Variants in NEURL1B observed in about 807,000 individuals in gnomAD.
NEURL1B encodes the protein E3 ubiquitin-protein ligase NEURL1B.
In NEURL1B, 13 loss-of-function variants were observed where a neutral mutation model predicts 37.4. The observed-to-expected ratio is 0.35, with a 90% CI of 0.23 to 0.55. The LOEUF (loss-of-function observed/expected upper bound fraction) is 0.55. Ranked by LOEUF, NEURL1B falls within the 20% of genes least tolerant of loss-of-function variation. The pLI is 0.89. For synonymous variants in NEURL1B, 432 were observed against 426.6 expected (o/e 1.01, Z -0.16); for missense variants, 790 against 879.2 (o/e 0.90, Z 1.28).
Position 172,669,891 on chromosome 5 carries a change from A to G in NEURL1B, c.138A>G (p.Lys46=). 6.9e-7 allele frequency: 1 copy of G among 1,444,594 alleles called. No individual in the cohort carries two copies. The highest frequency in any genetic ancestry group is 9.1e-7 in the Non-Finnish European group (1 of 1,101,932). The allele number at this position is 1,444,594 out of a possible 1,614,324, so 89.5% of individuals were successfully genotyped here. The change falls in exon 2 of 5, where the codon AAA becomes AAG. Residue 46 remains lysine (K), a synonymous_variant. Coordinates refer to ENST00000369800, the MANE Select transcript of NEURL1B (RefSeq NM_001142651.3). ...GEAPRFHAQA[K]GKNVRLDGHS... is the part of the protein sequence containing the mutation. ...CGCCGCGCTTCCACGCGCAGGCCAA[A>G]GGCAAGAACGTGCGGCTGGACGGCC...
Position 172,670,343 on chromosome 5 carries a change from C to A in NEURL1B, c.577+13C>A, listed in dbSNP as rs1413680785. 83 of 1,345,066 alleles carry A rather than the reference C, an allele frequency of 6.2e-5. No individual in the cohort carries two copies. The highest frequency in any genetic ancestry group is 7.7e-5 in the Non-Finnish European group (81 of 1,051,436). 83.3% of individuals were successfully genotyped at this position (1,345,066 alleles called of 1,614,324 possible). ...GTGCAGCTTCTGGGTAGGTCGCGGG[C>A]GCGGCGCCCCCTGGGGACCTGGCAG... is the stretch of plus-strand genomic sequence containing the variant. On this transcript the variant is annotated intron_variant, in intron 2 of 4. Transcript: ENST00000369800.
At chr5:172,660,139 C>G (rs1039279751) in intron 1 of NEURL1B, among the ~76,000 whole-genome samples, 1 of 152,188 alleles carries the variant, frequency 6.6e-6, no homozygotes, top group Non-Finnish European at 1.5e-5. Flanking sequence ...ACATTCCCCC[C>G]ACCTCTCACT....
intron 1 of NEURL1B, among the ~76,000 whole-genome samples, chr5:172,643,919 G>A (rs770832551): frequency 2.6e-5 from 4 of 151,792 alleles, no homozygotes; most frequent in Non-Finnish European, 1.5e-5. Context: ...CCCTCTCCCC[G>A]GCACATTCTT....
Position 172,687,304 on chromosome 5 carries a change from A to C in NEURL1B, c.*379A>C, listed in dbSNP as rs1758526996. The C allele has an allele frequency of 1.1e-5, 2 of 190,450 alleles. No individual in the cohort carries two copies. Among genetic ancestry groups the C allele is most frequent in the East Asian group, 2.5e-4 (2 of 7,872 alleles). 11.8% of individuals were successfully genotyped at this position (190,450 alleles called of 1,614,324 possible). A position where few individuals can be genotyped will look rare whatever the true frequency, so the allele number is the denominator to read the frequency against. The stretch of plus-strand genomic sequence containing the variant: ...AACAGAGAGAATGTGTGTGTGAGAG[A>C]GAGAGAGAGAGAATGAACGTGTAGC... On this transcript the variant is annotated 3_prime_UTR_variant, in exon 5 of 5. Coordinates refer to ENST00000369800, the MANE Select transcript of NEURL1B (RefSeq NM_001142651.3).
intron 2 of NEURL1B, 69 bp downstream of exon 2, chr5:172,670,399 T>A (rs1758100483): frequency 8.1e-7 from 1 of 1,227,046 alleles, no homozygotes; most frequent in African/African-American, 1.6e-5. Context: ...GTGTGTTTCA[T>A]TAGTAGCCAC....
chr5:172,644,733 G>T (rs1291847700), intron 1 of NEURL1B, among the ~76,000 whole-genome samples: 1 of 152,180 alleles, frequency 6.6e-6, no homozygotes, highest in South Asian at 2.1e-4. Flanking sequence ...GGCAAAGCTG[G>T]GCTTAAAAGA....
At chr5:172,642,306 C>T (rs1406826031) in intron 1 of NEURL1B, among the ~76,000 whole-genome samples, 1 of 152,210 alleles carries the variant, frequency 6.6e-6, no homozygotes, top group Non-Finnish European at 1.5e-5. Context: ...CCCAAGGTCA[C>T]ACAGCTAGTA....
In NEURL1B at chr5:172,642,676, G is replaced by A. The variant is rs1377991170; in HGVS notation, c.31+1239G>A. On this transcript the variant is annotated intron_variant, in intron 1 of 4. Coordinates refer to ENST00000369800, the MANE Select transcript of NEURL1B (RefSeq NM_001142651.3). ...CCCAGGGTCAGCTTATGGAAGAGGA[G>A]CCAACTCCTACTTTACAAGCCTCTG... Among the ~76,000 whole-genome samples, 3 of 152,218 alleles carry A rather than the reference G, an allele frequency of 2.0e-5. No individual in the cohort carries two copies. In the East Asian group the frequency reaches 5.8e-4, roughly 29 times the overall value.
At chr5:172,682,918 A>G (rs1327936751) in intron 2 of NEURL1B, among the ~76,000 whole-genome samples, 2 of 152,304 alleles carry the variant, frequency 1.3e-5, no homozygotes, top group South Asian at 2.1e-4. Context: ...TGCCTCACAG[A>G]GTGGTTGTGT....
Position 172,686,464 on chromosome 5 carries a change from G to A in NEURL1B, c.1423+168G>A, listed in dbSNP as rs1228999214. ...GAGGGAGGAGAAGTGTCTAGATAGG[G>A]CATTCCAAAGGGTGACGATGGTGGC... On this transcript the variant is annotated intron_variant, in intron 4 of 4. Coordinates refer to ENST00000369800, the MANE Select transcript of NEURL1B (RefSeq NM_001142651.3). The surrounding 1 kb of genome is among the most constrained non-coding windows in gnomAD (Gnocchi z 7.9). Among the ~76,000 whole-genome samples the A allele has an allele frequency of 6.6e-6, 1 of 152,232 alleles. No homozygotes were observed.
chr5:172,683,952 G>A lies in NEURL1B; in HGVS notation c.1111G>A (p.Val371Met), dbSNP rs1286654965. 4.4e-6 allele frequency: 6 copies of A among 1,355,608 alleles called. No homozygotes were observed. Among genetic ancestry groups the A allele is most frequent in the African/African-American group, 1.5e-5 (1 of 65,242 alleles). The allele number at this position is 1,355,608 out of a possible 1,614,324, so 84.0% of individuals were successfully genotyped here. ...GCTCGACCGCAAAGAGTACTGGGTG[G>A]TGGCGCGCGCCGGGCCCGTGCCGAG... ...ALLDRKEYWV[V>M]ARAGPVPSGG... The change falls in exon 3 of 5, where the codon GTG becomes ATG. Residue 371 changes from valine (V) to methionine (M), a missense_variant. Val to Met is a conservative substitution (Grantham distance 21). Transcript: ENST00000369800. The surrounding 1 kb of genome is among the most constrained non-coding windows in gnomAD (Gnocchi z 5.6).
At chr5:172,681,857 TG>T (rs1328273125) in intron 2 of NEURL1B, among the ~76,000 whole-genome samples, 1 of 152,262 alleles carries the variant, frequency 6.6e-6, no homozygotes, top group African/African-American at 2.4e-5. Flanking sequence ...TGGCTCAAAG[TG>T]GTCTGTTTAA....
chr5:172,684,594 A>G (rs1245384020), intron 3 of NEURL1B, among the ~76,000 whole-genome samples: 1 of 151,706 alleles, frequency 6.6e-6, no homozygotes, highest in Non-Finnish European at 1.5e-5. Flanking sequence ...ATTCGACTGC[A>G]CATGAAAGAG....
Position 172,689,878 on chromosome 5 carries a change from C to G in NEURL1B, c.*2953C>G, listed in dbSNP as rs3205178. On this transcript the variant is annotated 3_prime_UTR_variant, in exon 5 of 5. Transcript: ENST00000369800. ...CTTCCAGGCTCATCTGCTCACTGCC[C>G]GCATTCTCCTGGCAGAGCTGAGGTC... 0.41 allele frequency: 61,957 copies of G among 152,280 alleles called. 12,747 individuals carry two copies. Among genetic ancestry groups the G allele is most frequent in the East Asian group, 0.48 (2,466 of 5,172 alleles). 9.4% of individuals were successfully genotyped at this position (152,280 alleles called of 1,614,324 possible).
Position 172,686,711 on chromosome 5 carries a change from C to T in NEURL1B, c.1454C>T (p.Pro485Leu), listed in dbSNP as rs1235589212. The T allele has an allele frequency of 1.5e-5, 23 of 1,550,968 alleles. No individual in the cohort carries two copies. The highest frequency in any genetic ancestry group is 5.9e-5 in the Admixed American group (3 of 50,988). ...GCCCCCAGCTCCCCGCTGAGCCCCC[C>T]GGTGTCCCCCGTGTTCTCCCCACCG... ...VTAPSSPLSPPVSPVFSPPEP... is the reference protein window; with the variant it reads ...VTAPSSPLSPLVSPVFSPPEP... Residue 485 changes from proline (P) to leucine (L), a missense_variant, in exon 5 of 5, where the codon CCG becomes CTG. Physicochemically the swap from Pro to Leu is moderately conservative, Grantham distance 98 (BLOSUM62 -3). Around this residue, in one of 3 missense-constraint regions of NEURL1B, gnomAD observed 115 missense variants for 162.6 expected, o/e 0.71. Coordinates refer to ENST00000369800, the MANE Select transcript of NEURL1B (RefSeq NM_001142651.3). The surrounding 1 kb of genome is among the most constrained non-coding windows in gnomAD (Gnocchi z 7.9).
At chr5:172,653,212 G>C (rs1186083674) in intron 1 of NEURL1B, among the ~76,000 whole-genome samples, 1 of 152,188 alleles carries the variant, frequency 6.6e-6, no homozygotes, top group East Asian at 1.9e-4. Flanking sequence ...TAAATGTGGG[G>C]ACGTCAGCAG....
chr5:172,673,609 T>G (rs1758172703), intron 2 of NEURL1B, among the ~76,000 whole-genome samples: 1 of 151,848 alleles, frequency 6.6e-6, no homozygotes, highest in Non-Finnish European at 1.5e-5. Context: ...GAAAAAAAAG[T>G]TTTTTTGACA....
Position 172,686,850 on chromosome 5 carries a change from C to T in NEURL1B, c.1593C>T (p.Leu531=). The change falls in exon 5 of 5, where the codon CTC becomes CTT. Residue 531 remains leucine, a synonymous_variant. Transcript: ENST00000369800. The surrounding 1 kb of genome is among the most constrained non-coding windows in gnomAD (Gnocchi z 7.9). The part of the protein sequence containing the change: ...MCLCHSCGLR[L]KRQARACCPI... Reference sequence around the variant, plus strand: ...TGTGCCACAGCTGCGGCCTGCGGCTCAAGCGACAGGCCCGGGCCTGCTGCC... The same window carrying T: ...TGTGCCACAGCTGCGGCCTGCGGCTTAAGCGACAGGCCCGGGCCTGCTGCC... 1 of 1,550,970 alleles carries T rather than the reference C, an allele frequency of 6.4e-7. No individual in the cohort carries two copies. The highest frequency in any genetic ancestry group is 2.4e-5 in the East Asian group (1 of 40,900).
chr5:172,664,754 T>C (rs1419629098), intron 1 of NEURL1B, among the ~76,000 whole-genome samples: 2 of 152,232 alleles, frequency 1.3e-5, no homozygotes, highest in Non-Finnish European at 2.9e-5. Context: ...CTTCCATTTG[T>C]GTAAATAACA....
Sources: allele counts gnomAD v4.1 joint callset (sites outside exome capture counted in the v4.1 genomes callset), GRCh38; gene constraint gnomAD v4.1.1; regional missense constraint gnomAD v4.1.1; non-coding constraint Gnocchi (gnomAD v3.1); transcripts MANE v1.5; gene names NCBI Gene and HGNC (gene_info 2026-07-23, HGNC 2026-07-21).